Variants in TPO observed in about 807,000 individuals in gnomAD.
TPO encodes thyroid peroxidase, also known as thyroid microsomal antigen.
A neutral mutation model predicts 96.9 loss-of-function variants in TPO; 78 were observed. The ratio of observed to expected loss-of-function variants is 0.81; its 90% confidence interval spans 0.67 to 0.97. TPO has a LOEUF of 0.97. TPO is among the 50% of genes least tolerant of loss of function. The pLI is 0.00. For synonymous variants in TPO, 547 were observed against 538.0 expected, an observed-to-expected ratio of 1.02 and a Z score of -0.23; for missense variants, 1,252 against 1,274.8, an observed-to-expected ratio of 0.98 and a Z score of 0.27.
rs760477265 is a variant in TPO, at chr2:1,456,209, G to C, written c.746G>C (p.Ser249Thr). The C allele has an allele frequency of 5.0e-6, 8 of 1,614,016 alleles. No individual in the cohort carries two copies. In the African/African-American group the frequency reaches 1.1e-4, roughly 22 times the overall value. ...ATCGCGTTCACACCACAGAGCACCA[G>C]CAAAGCTGCCTTCGGGGGAGGGGCT... ...HDIAFTPQST[S>T]KAAFGGGADC... is the part of the protein sequence containing the mutation. The change falls in exon 7 of 17, where the codon AGC becomes ACC. Residue 249 changes from serine (S) to threonine (T), a missense_variant. Ser to Thr is a moderately conservative substitution (Grantham distance 58, BLOSUM62 1). Coordinates refer to ENST00000329066, the MANE Select transcript of TPO (RefSeq NM_001206744.2).
At chr2:1,377,579 G>A (rs1287081989) in intron 1 of TPO, among the ~76,000 whole-genome samples, 1 of 152,206 alleles carries the variant, frequency 6.6e-6, no homozygotes, top group Non-Finnish European at 1.5e-5. Context: ...GCAGGACCCA[G>A]GGACCAGGCT....
chr2:1,490,048 G>C (rs1201350360), intron 10 of TPO, among the ~76,000 whole-genome samples: 1 of 71,568 alleles, frequency 1.4e-5, no homozygotes. Flanking sequence ...TCGCGACACA[G>C]CAGTGTAAGA....
chr2:1,443,431 T>TG (rs1387253570), intron 5 of TPO, among the ~76,000 whole-genome samples: 9 of 118,784 alleles, frequency 7.6e-5, no homozygotes, highest in Middle Eastern at 5.2e-3. Flanking sequence ...TGGAAGGGAA[T>TG]GGGCAGGCTC....
upstream of TPO, among the ~76,000 whole-genome samples, chr2:1,410,922 C>G (rs1662323183): frequency 6.6e-6 from 1 of 152,170 alleles, no homozygotes; most frequent in Non-Finnish European, 1.5e-5. Context: ...TCTCTGCTCT[C>G]CATTGCTGGG....
At chr2:1,394,904 G>A (rs910807161) in intron 1 of TPO, among the ~76,000 whole-genome samples, 2 of 152,146 alleles carry the variant, frequency 1.3e-5, no homozygotes, top group African/African-American at 2.4e-5. Context: ...GTGCCCCCAC[G>A]TGATTCCAGG....
chr2:1,442,052 C>T (rs1666246517), intron 5 of TPO, among the ~76,000 whole-genome samples: 1 of 152,192 alleles, frequency 6.6e-6, no homozygotes, highest in Non-Finnish European at 1.5e-5. Context: ...AGTTCCCCTG[C>T]ACAAGCTCTC....
chr2:1,433,744 A>G (rs570303387), intron 4 of TPO, 137 bp downstream of exon 4: 2 of 990,862 alleles, frequency 2.0e-6, no homozygotes, highest in Non-Finnish European at 3.0e-6. Context: ...CTTTCAAAGC[A>G]TACAAGCTGC....
chr2:1,454,563 T>G (rs1194165438), intron 6 of TPO, among the ~76,000 whole-genome samples: 1 of 152,156 alleles, frequency 6.6e-6, no homozygotes, highest in Non-Finnish European at 1.5e-5. Flanking sequence ...TGGGTAGAGC[T>G]GGAGGCTGTG....
chr2:1,528,834 A>C (rs1677272353), intron 15 of TPO, among the ~76,000 whole-genome samples: 1 of 91,410 alleles, frequency 1.1e-5, no homozygotes, highest in Non-Finnish European at 2.0e-5. Context: ...AAATCCTCCT[A>C]CTGTGTGCAA....
intron 13 of TPO, 98 bp from the exon 14 acceptor site, chr2:1,503,850 C>T: frequency 1.2e-6 from 2 of 1,605,300 alleles, no homozygotes; most frequent in Non-Finnish European, 1.7e-6. Context: ...AAAGGGCTGA[C>T]CTCCCCAGAG....
chr2:1,424,272 T>A (rs1365882764), intron 3 of TPO, among the ~76,000 whole-genome samples: 1 of 149,566 alleles, frequency 6.7e-6, no homozygotes, highest in African/African-American at 2.5e-5. Flanking sequence ...TAGGACGGAA[T>A]GTCTGGGTTA....
intron 1 of TPO, among the ~76,000 whole-genome samples, chr2:1,385,422 C>A (rs933093175): frequency 6.6e-6 from 1 of 152,088 alleles, no homozygotes; most frequent in Non-Finnish European, 1.5e-5. Context: ...TCAACTTCAT[C>A]CTGGTTTAGT....
chr2:1,517,039 G>A (rs1458518650), intron 15 of TPO, 57 bp downstream of exon 15: 1 of 1,566,384 alleles, frequency 6.4e-7, no homozygotes, highest in African/African-American at 1.4e-5. Flanking sequence ...CTTTCCTCTG[G>A]ACATGGCTGC....
chr2:1,483,465 G>A (rs1008034261), intron 8 of TPO, among the ~76,000 whole-genome samples: 2 of 152,236 alleles, frequency 1.3e-5, no homozygotes, highest in East Asian at 1.9e-4. Context: ...GGAACAGAAG[G>A]TGCTGCCTGA....
intron 15 of TPO, among the ~76,000 whole-genome samples, chr2:1,519,983 C>A (rs545669245): frequency 6.6e-6 from 1 of 152,260 alleles, no homozygotes; most frequent in African/African-American, 2.4e-5. Flanking sequence ...AAATACGCTA[C>A]CAAGCACCAA....
intron 10 of TPO, 140 bp downstream of exon 10, chr2:1,488,131 C>A: frequency 8.1e-7 from 1 of 1,231,054 alleles, no homozygotes; most frequent in Non-Finnish European, 1.1e-6. Context: ...TTAAAGGGCT[C>A]CAGTTCATTC....
At chr2:1,526,139 C>A (rs1303784976) in intron 15 of TPO, among the ~76,000 whole-genome samples, 2 of 109,016 alleles carry the variant, frequency 1.8e-5, no homozygotes, top group Non-Finnish European at 3.7e-5. Flanking sequence ...CTCCCCCATC[C>A]CTCCATGTGC....
chr2:1,480,645 GA>G (rs1195441259), intron 8 of TPO, among the ~76,000 whole-genome samples: 1 of 108,472 alleles, frequency 9.2e-6, no homozygotes, highest in Non-Finnish European at 1.9e-5. Flanking sequence ...ATCAGCAAGA[GA>G]CAGGAAAGGT....
At chr2:1,476,949 T>C in intron 7 of TPO, 137 bp from the exon 8 acceptor site, 1 of 1,148,010 alleles carries the variant, frequency 8.7e-7, no homozygotes, top group Non-Finnish European at 1.2e-6. Context: ...GGGGACTGGC[T>C]GGACTGACCC....
Sources: gnomAD v4.1 joint callset for allele counts (sites outside exome capture counted in the v4.1 genomes callset) on GRCh38, gnomAD v4.1.1 for gene constraint, MANE v1.5 for transcripts, NCBI Gene and HGNC (gene_info 2026-07-23, HGNC 2026-07-21) for gene names.